The following SPON2 variants were observed in gnomAD, a reference collection of about 807,000 sequenced individuals.
The protein encoded by SPON2 is spondin 2.
SPON2 carries 32 observed loss-of-function variants against 29.9 expected under a neutral mutation model. The ratio of observed to expected loss-of-function variants is 1.07; its 90% CI spans 0.81 to 1.44. The LOEUF (loss-of-function observed/expected upper bound fraction) is 1.44, where lower values mean the gene tolerates loss of function less well. Among genes scored for constraint, SPON2 ranks in the 40% most tolerant of loss-of-function variants. The pLI is 0.00. For synonymous variants in SPON2, 248 were observed against 209.1 expected (o/e 1.19, Z -1.61); for missense variants, 541 against 455.5 (o/e 1.19, Z -1.71).
In SPON2 at chr4:1,202,806, G is replaced by A. The variant is rs1229914885; in HGVS notation, c.-234+5074C>T. Among the ~76,000 whole-genome samples the A allele has an allele frequency of 1.3e-5, 2 of 152,298 alleles. No individual in the cohort carries two copies. Among genetic ancestry groups the A allele is most frequent in the African/African-American group, 2.4e-5 (1 of 41,566 alleles). On this transcript the variant is annotated intron_variant, in intron 1 of 3. Coordinates refer to the SPON2 transcript ENST00000509233. The surrounding 1 kb of genome is among the most constrained non-coding windows in gnomAD (Gnocchi z 5.4). ...TGAAATCTGGGTGCAGGCCACCATC[G>A]CCTGCAGTGTCAGCGCCCCGTGGAT...
chr4:1,170,240 T>C lies in SPON2; in HGVS notation c.811+162A>G, dbSNP rs1411438463. The stretch of plus-strand genomic sequence containing the variant: ...TAATGTGCAAGAGTCACATCTTCAG[T>C]GTGTGAATCAACAGAATCCTAAATC... On this transcript the variant is annotated intron_variant, in intron 5 of 5. Coordinates refer to ENST00000290902, the MANE Select transcript of SPON2 (RefSeq NM_012445.4). 1.1e-5 allele frequency: 8 copies of C among 704,288 alleles called. No homozygotes were observed. The East Asian group carries it at 1.8e-4, about 16-fold the overall frequency. The allele number at this position is 704,288 out of a possible 1,614,324, so 43.6% of individuals were successfully genotyped here.
At position 1,171,469 on chromosome 4, in the gene SPON2, C is replaced by G. The variant is rs750382199; in HGVS notation, c.238G>C (p.Asp80His). 3 of 1,611,726 alleles carry G rather than the reference C, an allele frequency of 1.9e-6. No homozygotes were observed. The highest frequency in any genetic ancestry group is 1.7e-5 in the Admixed American group (1 of 60,004). The part of the protein sequence containing the change: ...SSLLGAAHSS[D>H]YSMWRKNQYV... Reference sequence around the variant, plus strand: ...TGGTTCTTCCTCCACATGCTGTAGTCGGAGCTATGCGCGGCCCCTGCAGGA... The same window carrying G: ...TGGTTCTTCCTCCACATGCTGTAGTGGGAGCTATGCGCGGCCCCTGCAGGA... Residue 80 changes from aspartate (D) to histidine (H), a missense_variant, in exon 3 of 6, where the codon GAC becomes CAC. Coordinates refer to ENST00000290902, the MANE Select transcript of SPON2 (RefSeq NM_012445.4).
intron 1 of SPON2, among the ~76,000 whole-genome samples, chr4:1,185,388 T>A (rs1273364905): frequency 6.6e-6 from 1 of 151,872 alleles, no homozygotes; most frequent in Non-Finnish European, 1.5e-5. Flanking sequence ...AATAGTCTTT[T>A]TGACAAATGG....
chr4:1,167,591 A>T lies in SPON2; in HGVS notation c.877T>A (p.Cys293Ser), dbSNP rs147860464. 14 of 1,613,420 alleles carry T rather than the reference A, an allele frequency of 8.7e-6. 1 individual carries two copies. The African/African-American group carries it at 1.7e-4, about 20-fold the overall frequency. The change falls in exon 6 of 6, where the codon TGT becomes AGT. Residue 293 changes from cysteine to serine, a missense_variant. Cys to Ser is a moderately radical substitution (Grantham distance 112). Transcript: ENST00000290902. Reference protein sequence around the residue: ...WSSWGLCGGHCGRLGTKSRTR... With the variant: ...WSSWGLCGGHSGRLGTKSRTR... ...CTGCTCTTGGTCCCGAGCCTCCCAC[A>T]GTGGCCTCCGCACAGTCCCCAGGAC...
At chr4:1,195,430 A>G (rs966595964), upstream of SPON2, among the ~76,000 whole-genome samples, 1 of 151,162 alleles carries the variant, frequency 6.6e-6, no homozygotes, top group African/African-American at 2.4e-5. Flanking sequence ...CAGGCCGGCC[A>G]GCTTCCAGCA....
intron 1 of SPON2, among the ~76,000 whole-genome samples, chr4:1,186,013 G>GC (rs1560207532): frequency 1.3e-5 from 2 of 151,158 alleles, no homozygotes; most frequent in Non-Finnish European, 1.5e-5. Flanking sequence ...GGGAGGCCGA[G>GC]GCGGGCGGAT....
intron 1 of SPON2, among the ~76,000 whole-genome samples, chr4:1,184,661 A>G (rs960513687): frequency 6.6e-6 from 1 of 152,198 alleles, no homozygotes; most frequent in African/African-American, 2.4e-5. Flanking sequence ...CTGGCCAGGC[A>G]CGGTGGCTCA....
chr4:1,187,788 A>G (rs759455628), intron 1 of SPON2, among the ~76,000 whole-genome samples: 1 of 152,098 alleles, frequency 6.6e-6, no homozygotes, highest in Non-Finnish European at 1.5e-5. Flanking sequence ...CAGATGTCTA[A>G]TCATCACTCT....
upstream of SPON2, among the ~76,000 whole-genome samples, chr4:1,175,031 C>T (rs1259695434): frequency 6.6e-6 from 1 of 152,224 alleles, no homozygotes; most frequent in African/African-American, 2.4e-5. Flanking sequence ...CACGAGTCCC[C>T]AGAGCAGGAC....
At position 1,191,130 on chromosome 4, in the gene SPON2, G is replaced by A. The variant is rs373382383; in HGVS notation, c.-239+3860C>T. 2.9e-4 allele frequency among the ~76,000 whole-genome samples: 43 copies of A among 148,080 alleles called. No homozygotes were observed. The East Asian group carries it at 3.7e-3, about 13-fold the overall frequency. The stretch of plus-strand genomic sequence containing the variant: ...GAAAGTCTGATCCTAAAATTCATAC[G>A]GAATTGCAAGAGGCCTCAGATTGCC... On this transcript the variant is annotated intron_variant, in intron 1 of 3. Transcript: ENST00000502483.
upstream of SPON2, among the ~76,000 whole-genome samples, chr4:1,176,681 C>G (rs893390626): frequency 6.6e-6 from 1 of 152,196 alleles, no homozygotes; most frequent in African/African-American, 2.4e-5. Flanking sequence ...TTCATTCAAT[C>G]ATCCATTCAC....
chr4:1,173,469 G>C (rs1727526548), upstream of SPON2, among the ~76,000 whole-genome samples: 1 of 152,196 alleles, frequency 6.6e-6, no homozygotes, highest in Admixed American at 6.5e-5. Flanking sequence ...AGCCCTCCCA[G>C]GGGCTCTAGG....
intron 1 of SPON2, chr4:1,200,945 C>G: frequency 2.2e-6 from 1 of 456,764 alleles, no homozygotes; most frequent in South Asian, 1.5e-5. Context: ...GCCCTCCTGG[C>G]TCTGTTGCAG....
At chr4:1,177,727 G>A (rs1727631043), upstream of SPON2, among the ~76,000 whole-genome samples, 1 of 152,126 alleles carries the variant, frequency 6.6e-6, no homozygotes, top group Non-Finnish European at 1.5e-5. Flanking sequence ...CATGTCAACG[G>A]CTCTTTCAGG....
At chr4:1,205,080 G>A (rs61745846) in intron 1 of SPON2, 4,098 of 152,502 alleles carry the variant, frequency 0.027, 93 homozygotes, top group Non-Finnish European at 0.042. Flanking sequence ...AGCTCTTCCC[G>A]GGGCTCTTGG....
chr4:1,183,679 A>G (rs2108659323), intron 1 of SPON2, among the ~76,000 whole-genome samples: 1 of 152,332 alleles, frequency 6.6e-6, no homozygotes, highest in South Asian at 2.1e-4. Flanking sequence ...CAGCAACTGA[A>G]AGAGGTAGGA....
chr4:1,183,317 C>T (rs985411543), intron 1 of SPON2, among the ~76,000 whole-genome samples: 8 of 151,498 alleles, frequency 5.3e-5, no homozygotes, highest in African/African-American at 1.9e-4. Flanking sequence ...GAGTTCACTA[C>T]CTCTAGGCCT....
intron 5 of SPON2, among the ~76,000 whole-genome samples, chr4:1,168,524 A>G (rs1001221065): frequency 6.6e-6 from 1 of 152,244 alleles, no homozygotes; most frequent in African/African-American, 2.4e-5. Context: ...AGCCCTCTCC[A>G]GAGATGCAGG....
upstream of SPON2, among the ~76,000 whole-genome samples, chr4:1,176,519 GATTCACACAGTACATTC>G (rs1727600452): frequency 6.7e-6 from 1 of 148,320 alleles, no homozygotes; most frequent in Non-Finnish European, 1.5e-5. Flanking sequence ...ACAGTACATT[GATTCACACAGTACATTC>G]ATTCACTAAT....
Sources: gnomAD v4.1 joint callset for allele counts (sites outside exome capture counted in the v4.1 genomes callset) on GRCh38, gnomAD v4.1.1 for gene constraint, Gnocchi (gnomAD v3.1) non-coding constraint, MANE v1.5 for transcripts, NCBI Gene and HGNC (gene_info 2026-07-23, HGNC 2026-07-21) for gene names.